Variants in HPSE2 observed in about 807,000 individuals in gnomAD.
HPSE2 encodes inactive heparanase-2.
A neutral mutation model predicts 60.5 loss-of-function variants in HPSE2; 38 were observed. The ratio of observed to expected loss-of-function variants is 0.63; its 90% CI spans 0.48 to 0.82. HPSE2 has a LOEUF of 0.82. HPSE2 is among the 40% of genes least tolerant of loss of function. The pLI is 0.00. For synonymous variants in HPSE2, 295 were observed against 293.2 expected (o/e 1.01, Z -0.06); for missense variants, 713 against 740.4 (o/e 0.96, Z 0.43).
At chr10:98,478,344 G>A (rs1315560736) in intron 11 of HPSE2, among the ~76,000 whole-genome samples, 2 of 152,104 alleles carry the variant, frequency 1.3e-5, no homozygotes, top group Non-Finnish European at 2.9e-5. Flanking sequence ...CCTCTTAGTG[G>A]CTTGACTTTG....
the HPSE2 span, among the ~76,000 whole-genome samples, chr10:99,300,427 A>C: frequency 6.6e-6 from 1 of 152,176 alleles, no homozygotes; most frequent in East Asian, 1.9e-4. Context: ...CTCAGATTTA[A>C]CCCATTTCTT....
At chr10:99,119,221 C>T (rs1019092839) in intron 3 of HPSE2, among the ~76,000 whole-genome samples, 2 of 151,922 alleles carry the variant, frequency 1.3e-5, no homozygotes, top group Non-Finnish European at 2.9e-5. Context: ...CTAAAAGCTC[C>T]TTAAACTGAT....
chr10:99,240,973 C>A, the HPSE2 span, among the ~76,000 whole-genome samples: 3 of 152,112 alleles, frequency 2.0e-5, no homozygotes, highest in Admixed American at 1.3e-4. Context: ...TGCCTGTATA[C>A]CCAACTATGA....
At chr10:98,779,466 C>T (rs1354079401) in intron 3 of HPSE2, among the ~76,000 whole-genome samples, 1 of 152,112 alleles carries the variant, frequency 6.6e-6, no homozygotes, top group Non-Finnish European at 1.5e-5. Flanking sequence ...CCACTTTCCA[C>T]AATTTCACCC....
chr10:98,972,852 G>A (rs1955991591), intron 3 of HPSE2, among the ~76,000 whole-genome samples: 1 of 152,084 alleles, frequency 6.6e-6, no homozygotes, highest in South Asian at 2.1e-4. Context: ...GTAGTCTCAC[G>A]TTAATGTAGT....
At chr10:99,265,160 G>C in the HPSE2 span, among the ~76,000 whole-genome samples, 1 of 152,102 alleles carries the variant, frequency 6.6e-6, no homozygotes, top group African/African-American at 2.4e-5. Context: ...TAACTGACAC[G>C]ATATATTCTC....
At chr10:98,946,156 G>A (rs530970295) in intron 3 of HPSE2, among the ~76,000 whole-genome samples, 2 of 151,992 alleles carry the variant, frequency 1.3e-5, no homozygotes, top group African/African-American at 4.8e-5. Flanking sequence ...ATCTATTATA[G>A]AAGGTTAAAA....
intron 9 of HPSE2, among the ~76,000 whole-genome samples, chr10:98,539,519 T>TCAAACAAACAAA (rs560536661): frequency 2.3e-4 from 35 of 152,132 alleles, no homozygotes; most frequent in African/African-American, 7.5e-4. Context: ...AGACTCTGTC[T>TCAAACAAACAAA]CAAACAAACA....
the HPSE2 span, among the ~76,000 whole-genome samples, chr10:99,249,129 T>C: frequency 1.9e-3 from 293 of 152,282 alleles, 2 homozygotes; most frequent in Admixed American, 6.5e-3. Context: ...GGGCACTTCC[T>C]AGTGGAACTG....
At chr10:99,229,860 T>C (rs1400051644) in intron 2 of HPSE2, among the ~76,000 whole-genome samples, 1 of 152,222 alleles carries the variant, frequency 6.6e-6, no homozygotes, top group African/African-American at 2.4e-5. Context: ...TTTAAGATGC[T>C]CATGATGATA....
intron 3 of HPSE2, among the ~76,000 whole-genome samples, chr10:98,871,332 C>T (rs1055728487): frequency 6.6e-6 from 1 of 152,116 alleles, no homozygotes; most frequent in Non-Finnish European, 1.5e-5. Flanking sequence ...CTAGGAGGTG[C>T]ACCCAAATGG....
At chr10:99,101,764 C>T (rs987041562) in intron 3 of HPSE2, among the ~76,000 whole-genome samples, 1 of 152,194 alleles carries the variant, frequency 6.6e-6, no homozygotes, top group African/African-American at 2.4e-5. Context: ...TGTAAAAGAA[C>T]AGAAATTATG....
intron 2 of HPSE2, among the ~76,000 whole-genome samples, chr10:99,180,873 A>G (rs10786514): frequency 0.55 from 74,074 of 134,524 alleles, 21,845 homozygotes; most frequent in East Asian, 0.66. Context: ...CTGGGCAACA[A>G]GGCAAGACTC....
chr10:98,982,009 AATT>A (rs1956218168), intron 3 of HPSE2, among the ~76,000 whole-genome samples: 1 of 152,048 alleles, frequency 6.6e-6, no homozygotes, highest in South Asian at 2.1e-4. Flanking sequence ...ACTGCTTCCA[AATT>A]ATTACTATGA....
At chr10:98,523,830 C>T (rs965235162) in intron 9 of HPSE2, among the ~76,000 whole-genome samples, 1 of 152,180 alleles carries the variant, frequency 6.6e-6, no homozygotes, top group Admixed American at 6.5e-5. Flanking sequence ...AGTAAAGTTT[C>T]CTTGTCAACT....
chr10:98,606,617 T>C (rs1466867661), intron 9 of HPSE2, among the ~76,000 whole-genome samples: 1 of 152,232 alleles, frequency 6.6e-6, no homozygotes, highest in Non-Finnish European at 1.5e-5. Flanking sequence ...TTGAATCCTT[T>C]CAATGCTTAA....
At chr10:98,847,511 T>C (rs113523412) in intron 3 of HPSE2, among the ~76,000 whole-genome samples, 6 of 152,372 alleles carry the variant, frequency 3.9e-5, no homozygotes, top group African/African-American at 1.4e-4. Flanking sequence ...CAGGCATGGC[T>C]ATTGTATTTT....
intron 3 of HPSE2, among the ~76,000 whole-genome samples, chr10:98,997,317 C>T (rs1186418488): frequency 6.6e-6 from 1 of 151,712 alleles, no homozygotes; most frequent in East Asian, 1.9e-4. Context: ...GGGGTTTCAC[C>T]ATATTGGCCA....
chr10:98,706,453 A>T (rs767839001), intron 5 of HPSE2, among the ~76,000 whole-genome samples: 1 of 152,178 alleles, frequency 6.6e-6, no homozygotes, highest in Non-Finnish European at 1.5e-5. Context: ...GACAACCACA[A>T]TGAAGCCCAG....
Sources: gnomAD v4.1 joint callset for allele counts (sites outside exome capture counted in the v4.1 genomes callset) on GRCh38, gnomAD v4.1.1 for gene constraint, MANE v1.5 for transcripts, NCBI Gene and HGNC (gene_info 2026-07-23, HGNC 2026-07-21) for gene names.